GIPC2: variants seen among roughly 807,000 people sequenced by gnomAD.
The protein encoded by GIPC2 is GIPC PDZ domain containing family member 2, also known as PDZ domain-containing protein GIPC2.
Under a neutral mutation model 30.6 loss-of-function variants are expected in GIPC2, and 30 were observed. The ratio of observed to expected loss-of-function variants is 0.98; its 90% CI spans 0.73 to 1.33. The LOEUF (loss-of-function observed/expected upper bound fraction) is 1.33. Among genes scored for constraint, GIPC2 ranks in the 40% most tolerant of loss-of-function variants. GIPC2 has a pLI of 0.00. For synonymous variants in GIPC2, 167 were observed against 150.0 expected, an observed-to-expected ratio of 1.11 and a Z score of -0.83; for missense variants, 414 against 390.3, an observed-to-expected ratio of 1.06 and a Z score of -0.51.
chr1:78,046,060 C>G lies in GIPC2; in HGVS notation c.-35C>G, dbSNP rs1157992049. On this transcript the variant is annotated 5_prime_UTR_variant, in exon 1 of 6. Transcript: ENST00000370759. ...GCCGGGGGGAGGAGGCGGCGGACGG[C>G]AGCGCAGGTGGGCCCGCGCTCTCGG... is the stretch of plus-strand genomic sequence containing the variant. 1 of 1,403,188 alleles carries G rather than the reference C, an allele frequency of 7.1e-7. No homozygotes were observed. Among genetic ancestry groups the G allele is most frequent in the Non-Finnish European group, 9.2e-7 (1 of 1,081,342 alleles). The allele number at this position is 1,403,188 out of a possible 1,614,324, so 86.9% of individuals were successfully genotyped here. A position where few individuals can be genotyped will look rare whatever the true frequency, so the allele number is the denominator to read the frequency against.
At chr1:78,115,488 T>C (rs182959871) in intron 3 of GIPC2, among the ~76,000 whole-genome samples, 1 of 152,348 alleles carries the variant, frequency 6.6e-6, no homozygotes, top group Non-Finnish European at 1.5e-5. Context: ...ACTTTAGGGA[T>C]ATACATGACT....
At chr1:78,105,170 A>T (rs1010565163) in intron 3 of GIPC2, among the ~76,000 whole-genome samples, 1 of 152,166 alleles carries the variant, frequency 6.6e-6, no homozygotes, top group African/African-American at 2.4e-5. Context: ...TTTTTATCGA[A>T]TGCTCAGTTT....
chr1:78,123,146 G>C (rs558117610), intron 4 of GIPC2, among the ~76,000 whole-genome samples: 1 of 151,626 alleles, frequency 6.6e-6, no homozygotes, highest in East Asian at 2.0e-4. Flanking sequence ...TGTAATCCCA[G>C]CTACTTGGGA....
At chr1:78,106,415 C>G (rs1177134282) in intron 3 of GIPC2, among the ~76,000 whole-genome samples, 2 of 151,652 alleles carry the variant, frequency 1.3e-5, no homozygotes, top group Non-Finnish European at 2.9e-5. Flanking sequence ...AAAAAATTAG[C>G]CAGGCATGGT....
rs1232385589 is a variant in GIPC2, at chr1:78,128,122, G to C, written c.796+2160G>C. On this transcript the variant is annotated intron_variant, in intron 5 of 5. Transcript: ENST00000370759. ...TTTCGTGTGGATGCTTTTATCCTCT[G>C]TGCAGACAAGAAGTTAAAGCTGAAA... 2.0e-5 allele frequency among the ~76,000 whole-genome samples: 3 copies of C among 152,230 alleles called. No individual in the cohort carries two copies. The East Asian group carries it at 5.8e-4, about 29-fold the overall frequency.
intron 1 of GIPC2, among the ~76,000 whole-genome samples, chr1:78,049,668 C>A (rs1237160179): frequency 3.9e-5 from 6 of 152,116 alleles, no homozygotes; most frequent in Non-Finnish European, 7.3e-5. Context: ...CATAATGTGC[C>A]CACAGCTGTG....
rs1198355996 is a variant in GIPC2 at position 78,128,412 on chromosome 1, G to A, written c.796+2450G>A. Among the ~76,000 whole-genome samples the A allele has an allele frequency of 5.3e-5, 8 of 152,056 alleles. No homozygotes were observed. In the East Asian group the frequency reaches 9.6e-4, roughly 18 times the overall value. ...GGTCTGGAGTGAATCACAGACACAG[G>A]GCCTAGGAAAAGATCTAACTAGGAA... On this transcript the variant is annotated intron_variant, in intron 5 of 5. Transcript: ENST00000370759.
At chr1:78,135,493 T>C (rs1662983149) in intron 5 of GIPC2, 99 bp from the exon 6 acceptor site, 3 of 663,714 alleles carry the variant, frequency 4.5e-6, no homozygotes, top group African/African-American at 1.8e-5. Context: ...AATATATTTA[T>C]GCATGTTACT....
intron 1 of GIPC2, among the ~76,000 whole-genome samples, chr1:78,060,669 C>T (rs541827008): frequency 1.6e-4 from 24 of 152,288 alleles, no homozygotes; most frequent in African/African-American, 4.8e-4. Flanking sequence ...TGGAGCTACA[C>T]AGTAAATGAT....
chr1:78,058,136 T>C (rs1661330377), intron 1 of GIPC2, among the ~76,000 whole-genome samples: 1 of 152,174 alleles, frequency 6.6e-6, no homozygotes, highest in African/African-American at 2.4e-5. Context: ...GGAATTATAG[T>C]ATAGCTTAGT....
intron 4 of GIPC2, among the ~76,000 whole-genome samples, chr1:78,123,931 T>G (rs1280069654): frequency 1.3e-5 from 2 of 152,270 alleles, no homozygotes; most frequent in Non-Finnish European, 2.9e-5. Context: ...TAAGGTTTAG[T>G]TCTTGTAAAT....
chr1:78,092,428 A>G (rs1662059553), intron 2 of GIPC2, among the ~76,000 whole-genome samples: 1 of 152,242 alleles, frequency 6.6e-6, no homozygotes, highest in Non-Finnish European at 1.5e-5. Context: ...AGACAGGTGA[A>G]AGTTCCTGAG....
chr1:78,064,080 C>G, intron 1 of GIPC2, among the ~76,000 whole-genome samples: 1 of 152,164 alleles, frequency 6.6e-6, no homozygotes, highest in East Asian at 1.9e-4. Context: ...ACATGGGCAG[C>G]ATTGCTGTCA....
intron 3 of GIPC2, among the ~76,000 whole-genome samples, chr1:78,113,766 G>A (rs79946149): frequency 1.3e-5 from 2 of 151,896 alleles, no homozygotes; most frequent in Non-Finnish European, 1.5e-5. Flanking sequence ...TGATCCTCCC[G>A]CCTTGGCCTG....
intron 4 of GIPC2, among the ~76,000 whole-genome samples, chr1:78,121,366 G>C (rs1438183313): frequency 6.6e-6 from 1 of 152,156 alleles, no homozygotes; most frequent in Non-Finnish European, 1.5e-5. Flanking sequence ...CTCTCTGTAT[G>C]TGAATGCTGT....
chr1:78,073,768 A>G (rs1444785891), intron 1 of GIPC2, among the ~76,000 whole-genome samples: 1 of 152,194 alleles, frequency 6.6e-6, no homozygotes, highest in Non-Finnish European at 1.5e-5. Context: ...ATCTTTTGAA[A>G]CACTAATGAC....
chr1:78,047,538 A>T (rs954352535), intron 1 of GIPC2, among the ~76,000 whole-genome samples: 2 of 151,816 alleles, frequency 1.3e-5, no homozygotes, highest in Admixed American at 1.3e-4. Flanking sequence ...TTTTTTTTCA[A>T]AAAACACTTT....
At chr1:78,063,899 CAA>C (rs763084989) in intron 1 of GIPC2, among the ~76,000 whole-genome samples, 268 of 63,062 alleles carry the variant, frequency 4.2e-3, no homozygotes, top group African/African-American at 0.011. Context: ...CTCAAAAAGA[CAA>C]AAAAAAAAAA....
chr1:78,080,970 G>A lies in GIPC2; in HGVS notation c.426+110G>A, dbSNP rs140254211. On this transcript the variant is annotated intron_variant, in intron 2 of 5. Transcript: ENST00000370759. Reference sequence around the variant, plus strand: ...TTCAGAGTGAGAGCCCGCTCAGCAAGGATGCATGAATTGGTAATGTTTCAC... The same window carrying A: ...TTCAGAGTGAGAGCCCGCTCAGCAAAGATGCATGAATTGGTAATGTTTCAC... 202 of 515,302 alleles carry A rather than the reference G, an allele frequency of 3.9e-4. 2 individuals are homozygous for A. Among genetic ancestry groups the A allele is most frequent in the African/African-American group, 3.7e-3 (185 of 50,582 alleles). The allele number at this position is 515,302 out of a possible 1,614,324, so 31.9% of individuals were successfully genotyped here.
Sources: gnomAD v4.1 joint callset for allele counts (sites outside exome capture counted in the v4.1 genomes callset) on GRCh38, gnomAD v4.1.1 for gene constraint, MANE v1.5 for transcripts, NCBI Gene and HGNC (gene_info 2026-07-23, HGNC 2026-07-21) for gene names.